ZBTB20: variants seen among roughly 807,000 people sequenced by gnomAD.
ZBTB20 encodes the protein zinc finger and BTB domain containing 20.
Under a neutral mutation model 56.9 loss-of-function variants are expected in ZBTB20, and 9 were observed. That is an observed-to-expected ratio of 0.16 (90% CI 0.10 to 0.28). The LOEUF (loss-of-function observed/expected upper bound fraction) is 0.28, where lower values mean the gene tolerates loss of function less well. ZBTB20 is among the 10% of genes least tolerant of loss of function. The pLI, the probability that ZBTB20 is intolerant of heterozygous loss-of-function variation, is 1.00. For missense variants in ZBTB20, 655 were observed against 1,003.0 expected, an observed-to-expected ratio of 0.65 and a Z score of 4.69; for synonymous variants, 417 against 420.7, an observed-to-expected ratio of 0.99 and a Z score of 0.11.
At chr3:114,832,998 G>C (rs2073935340) in intron 4 of ZBTB20, among the ~76,000 whole-genome samples, 1 of 152,080 alleles carries the variant, frequency 6.6e-6, no homozygotes, top group South Asian at 2.1e-4. Flanking sequence ...GAAGCAGCTT[G>C]ATGCTGAAGT....
chr3:114,431,809 G>C (rs768487134), intron 7 of ZBTB20, among the ~76,000 whole-genome samples: 2 of 152,178 alleles, frequency 1.3e-5, no homozygotes, highest in Non-Finnish European at 1.5e-5. Context: ...AGTTTGGTCT[G>C]TTTAACAGAC....
intron 7 of ZBTB20, among the ~76,000 whole-genome samples, chr3:114,397,762 A>G (rs1203690562): frequency 1.3e-5 from 2 of 152,264 alleles, no homozygotes; most frequent in African/African-American, 4.8e-5. Flanking sequence ...ACAGGATATT[A>G]AGGTGCTGGA....
intron 3 of ZBTB20, among the ~76,000 whole-genome samples, chr3:114,951,897 A>G (rs1320235844): frequency 6.6e-6 from 1 of 152,130 alleles, no homozygotes; most frequent in Non-Finnish European, 1.5e-5. Context: ...AAGCAATGAG[A>G]AACAGGCTTA....
At chr3:114,551,116 A>G (rs548510968) in intron 6 of ZBTB20, among the ~76,000 whole-genome samples, 3 of 152,338 alleles carry the variant, frequency 2.0e-5, no homozygotes, top group Admixed American at 1.3e-4. Context: ...ACTCACAAGG[A>G]TTAAAAATTA....
rs550173807 is a variant in ZBTB20 at position 114,531,638 on chromosome 3, T to C, written c.-294-31247A>G. 3.9e-5 allele frequency among the ~76,000 whole-genome samples: 6 copies of C among 152,286 alleles called. No individual in the cohort carries two copies. In the East Asian group the frequency reaches 1.2e-3, roughly 29 times the overall value. On this transcript the variant is annotated intron_variant, in intron 6 of 11. Transcript: ENST00000675478. ...TTGGGGAGGGGAGAGAAGTTTTGCT[T>C]GCTGCTGGTCCTTTGGTAACCTCTG...
chr3:114,531,265 T>C, intron 6 of ZBTB20, among the ~76,000 whole-genome samples: 1 of 152,186 alleles, frequency 6.6e-6, no homozygotes, highest in East Asian at 1.9e-4. Flanking sequence ...TCTCCTTTTC[T>C]TTCTTTCTTG....
chr3:114,727,948 T>C (rs767129608), intron 5 of ZBTB20, among the ~76,000 whole-genome samples: 1 of 152,098 alleles, frequency 6.6e-6, no homozygotes, highest in Non-Finnish European at 1.5e-5. Flanking sequence ...CTCAGTATAT[T>C]TGAGAACAGA....
At chr3:114,517,048 C>T (rs939377503) in intron 6 of ZBTB20, among the ~76,000 whole-genome samples, 3 of 152,168 alleles carry the variant, frequency 2.0e-5, no homozygotes, top group Non-Finnish European at 2.9e-5. Flanking sequence ...TACTGAGTGC[C>T]TACTATGTGC....
intron 4 of ZBTB20, among the ~76,000 whole-genome samples, chr3:114,808,455 A>C (rs1204769654): frequency 6.6e-6 from 1 of 152,012 alleles, no homozygotes; most frequent in Non-Finnish European, 1.5e-5. Context: ...CTATTTGTTT[A>C]TAATATAGTA....
chr3:114,879,733 G>A (rs1011761895), intron 4 of ZBTB20, among the ~76,000 whole-genome samples: 20 of 152,174 alleles, frequency 1.3e-4, no homozygotes, highest in Admixed American at 3.9e-4. Flanking sequence ...GTTGGTATCC[G>A]ACGTCAGACC....
chr3:115,038,438 A>C (rs372040037), intron 2 of ZBTB20, among the ~76,000 whole-genome samples: 1 of 152,342 alleles, frequency 6.6e-6, no homozygotes, highest in South Asian at 2.1e-4. Flanking sequence ...GAAAGCATAA[A>C]TATCACAAAT....
At chr3:115,028,211 G>A (rs1211907367) in intron 2 of ZBTB20, among the ~76,000 whole-genome samples, 1 of 150,516 alleles carries the variant, frequency 6.6e-6, no homozygotes, top group Non-Finnish European at 1.5e-5. Context: ...AAGTTTTCAA[G>A]GATCAAAATA....
At chr3:114,784,020 T>G (rs183866240) in intron 5 of ZBTB20, among the ~76,000 whole-genome samples, 59 of 152,304 alleles carry the variant, frequency 3.9e-4, no homozygotes, top group Non-Finnish European at 7.1e-4. Flanking sequence ...GTCTTTTCGT[T>G]GTGGTTCTTA....
intron 7 of ZBTB20, among the ~76,000 whole-genome samples, chr3:114,436,948 C>G (rs2090559071): frequency 6.6e-6 from 1 of 152,172 alleles, no homozygotes; most frequent in Non-Finnish European, 1.5e-5. Context: ...AAAAGGTTTT[C>G]CAGCACTTCT....
chr3:114,381,509 C>A (rs1443973555), intron 8 of ZBTB20, among the ~76,000 whole-genome samples: 1 of 152,186 alleles, frequency 6.6e-6, no homozygotes, highest in Non-Finnish European at 1.5e-5. Flanking sequence ...AGTTCCTGAA[C>A]ATTTCTCCAA....
At chr3:114,705,674 A>G (rs891811863) in intron 5 of ZBTB20, among the ~76,000 whole-genome samples, 14 of 152,326 alleles carry the variant, frequency 9.2e-5, no homozygotes, top group Admixed American at 4.6e-4. Flanking sequence ...AAATTCAGAA[A>G]AGAAACTAAG....
intron 6 of ZBTB20, among the ~76,000 whole-genome samples, chr3:114,689,403 T>C (rs2062560433): frequency 6.6e-6 from 1 of 152,124 alleles, no homozygotes. Context: ...CCCTGCCTCA[T>C]GTAAGCAGAA....
At chr3:114,564,264 T>G (rs367759900) in intron 6 of ZBTB20, among the ~76,000 whole-genome samples, 55 of 152,186 alleles carry the variant, frequency 3.6e-4, no homozygotes, top group African/African-American at 1.2e-3. Context: ...CAAAAATCCT[T>G]AATTTAGTCA....
At chr3:114,574,900 T>A (rs1378562273) in intron 6 of ZBTB20, among the ~76,000 whole-genome samples, 1 of 152,218 alleles carries the variant, frequency 6.6e-6, no homozygotes, top group East Asian at 1.9e-4. Context: ...ATAATTTAGG[T>A]TATTGCTATA....
Sources: gnomAD v4.1 joint callset for allele counts (sites outside exome capture counted in the v4.1 genomes callset) on GRCh38, gnomAD v4.1.1 for gene constraint, MANE v1.5 for transcripts, NCBI Gene and HGNC (gene_info 2026-07-23, HGNC 2026-07-21) for gene names.